Variants in ZNF362 observed in about 807,000 individuals in gnomAD.
The protein encoded by ZNF362 is zinc finger protein 362, also known as rotund homolog.
ZNF362 carries 11 observed loss-of-function variants against 42.9 expected under a neutral mutation model. The ratio of observed to expected loss-of-function variants is 0.26; its 90% CI spans 0.16 to 0.42. The LOEUF is 0.42. Ranked by LOEUF, ZNF362 falls within the 20% of genes least tolerant of loss-of-function variation. The pLI is 1.00. For synonymous variants in ZNF362, 255 were observed against 257.3 expected (o/e 0.99, Z 0.09); for missense variants, 362 against 576.2 (o/e 0.63, Z 3.81).
At chr1:33,146,398 T>C in the ZNF362 span, 1 of 161,450 alleles carries the variant, frequency 6.2e-6, no homozygotes, top group South Asian at 1.7e-4. Flanking sequence ...TTGGCTGGAC[T>C]CTTGTTCAGA....
chr1:33,236,473 C>A, the ZNF362 span, among the ~76,000 whole-genome samples: 1 of 139,188 alleles, frequency 7.2e-6, no homozygotes, highest in Non-Finnish European at 1.5e-5. Context: ...TTGCTTGAAC[C>A]CGGGAGTTCA....
At chr1:33,274,935 A>G in intron 2 of ZNF362, 3 of 984,922 alleles carry the variant, frequency 3.0e-6, no homozygotes, top group Non-Finnish European at 3.6e-6. Context: ...TTCTTAAAAT[A>G]TTGAGATTAG....
At chr1:33,181,644 G>A in the ZNF362 span, 3 of 882,184 alleles carry the variant, frequency 3.4e-6, no homozygotes, top group East Asian at 8.9e-5. The surrounding 1 kb of genome is among the most constrained non-coding windows in gnomAD (Gnocchi z 6.5). Context: ...CGCCAGCCCG[G>A]GAGGGCAGTC....
intron 2 of ZNF362, 83 bp from the exon 3 acceptor site, chr1:33,276,017 C>A: frequency 2.6e-6 from 4 of 1,515,514 alleles, no homozygotes; most frequent in South Asian, 2.3e-5. Context: ...CTGGCCCTGA[C>A]TTGAGTGGGC....
intron 8 of ZNF362, among the ~76,000 whole-genome samples, chr1:33,295,671 C>T (rs1453547720): frequency 6.6e-6 from 1 of 152,178 alleles, no homozygotes; most frequent in South Asian, 2.1e-4. Context: ...CACAAGGTGG[C>T]GCAGTGACAT....
chr1:33,236,547 A>AT, the ZNF362 span, among the ~76,000 whole-genome samples: 32 of 68,478 alleles, frequency 4.7e-4, 1 homozygote, highest in African/African-American at 1.4e-3. Context: ...AAAAAAAAAA[A>AT]AAAATATATA....
chr1:33,201,327 C>T, the ZNF362 span, among the ~76,000 whole-genome samples: 2 of 152,192 alleles, frequency 1.3e-5, no homozygotes, highest in African/African-American at 4.8e-5. Flanking sequence ...CATCCAACAT[C>T]AGCAAAGTAC....
intron 1 of ZNF362, among the ~76,000 whole-genome samples, chr1:33,268,442 G>A (rs948063690): frequency 6.6e-6 from 1 of 152,220 alleles, no homozygotes; most frequent in Non-Finnish European, 1.5e-5. Flanking sequence ...CCATCAGAGT[G>A]CTTGTCTGGC....
intron 6 of ZNF362, among the ~76,000 whole-genome samples, chr1:33,289,360 A>C (rs1646058842): frequency 6.6e-6 from 1 of 152,088 alleles, no homozygotes; most frequent in Admixed American, 6.5e-5. Context: ...CTGTCCTGGA[A>C]AAAGAGGGAG....
the ZNF362 span, chr1:33,181,325 CG>C: frequency 6.4e-7 from 1 of 1,573,440 alleles, no homozygotes; most frequent in South Asian, 1.2e-5. The surrounding 1 kb of genome is among the most constrained non-coding windows in gnomAD (Gnocchi z 6.5). Context: ...CCCAGTGCTC[CG>C]TGATGCAGCG....
At chr1:33,200,972 G>A in the ZNF362 span, among the ~76,000 whole-genome samples, 5 of 152,174 alleles carry the variant, frequency 3.3e-5, no homozygotes, top group Non-Finnish European at 5.9e-5. Flanking sequence ...GGAGAAGACC[G>A]TCATCTACAA....
At chr1:33,228,460 G>A in the ZNF362 span, among the ~76,000 whole-genome samples, 1 of 152,062 alleles carries the variant, frequency 6.6e-6, no homozygotes, top group South Asian at 2.1e-4. Flanking sequence ...ACATCTAAAA[G>A]GTATCTCAAA....
chr1:33,261,961 G>A (rs936663817), intron 1 of ZNF362, among the ~76,000 whole-genome samples: 62 of 152,290 alleles, frequency 4.1e-4, no homozygotes, highest in African/African-American at 1.2e-3. Flanking sequence ...TGTACAATGG[G>A]GGCAACATTT....
the ZNF362 span, among the ~76,000 whole-genome samples, chr1:33,171,602 A>G: frequency 2.6e-5 from 4 of 152,144 alleles, no homozygotes; most frequent in Non-Finnish European, 4.4e-5. Flanking sequence ...GGGCCTATAC[A>G]TGGTCCTTGA....
chr1:33,223,136 A>C, the ZNF362 span, among the ~76,000 whole-genome samples: 27 of 152,292 alleles, frequency 1.8e-4, no homozygotes, highest in African/African-American at 6.5e-4. Flanking sequence ...CTGTAGTCCC[A>C]GCTACTCAGG....
At chr1:33,292,240 C>T (rs1397135921) in intron 6 of ZNF362, among the ~76,000 whole-genome samples, 3 of 152,076 alleles carry the variant, frequency 2.0e-5, no homozygotes, top group African/African-American at 7.3e-5. Flanking sequence ...GAGATACGTC[C>T]CATCAATACC....
chr1:33,213,939 A>G, the ZNF362 span, among the ~76,000 whole-genome samples: 11 of 152,292 alleles, frequency 7.2e-5, no homozygotes, highest in South Asian at 8.3e-4. Context: ...CTGATTTTGT[A>G]TTGGTTTGGA....
At chr1:33,136,623 G>A in the ZNF362 span, among the ~76,000 whole-genome samples, 1 of 151,696 alleles carries the variant, frequency 6.6e-6, no homozygotes, top group Non-Finnish European at 1.5e-5. Context: ...TCCTGCTTCA[G>A]CCTCCCAAAG....
chr1:33,170,786 C>A, the ZNF362 span, among the ~76,000 whole-genome samples: 5 of 152,268 alleles, frequency 3.3e-5, no homozygotes, highest in East Asian at 9.7e-4. Context: ...GCTGTGTGAC[C>A]CTAGGATGTC....
Sources: gnomAD v4.1 joint callset for allele counts (sites outside exome capture counted in the v4.1 genomes callset) on GRCh38, gnomAD v4.1.1 for gene constraint, Gnocchi (gnomAD v3.1) non-coding constraint, MANE v1.5 for transcripts, NCBI Gene and HGNC (gene_info 2026-07-23, HGNC 2026-07-21) for gene names.